Variants in A2M observed in about 807,000 individuals in gnomAD.
A2M encodes the protein C3 and PZP-like alpha-2-macroglobulin domain-containing protein 5.
A neutral mutation model predicts 183.9 loss-of-function variants in A2M; 128 were observed. That is an observed-to-expected ratio of 0.70 (90% CI 0.60 to 0.81). The LOEUF (loss-of-function observed/expected upper bound fraction) is 0.81. Among genes scored for constraint, A2M ranks in the 30% least tolerant of loss-of-function variants. The probability of loss-of-function intolerance (pLI) is 0.00; values close to 1 mark genes in which losing one functional copy is unlikely to be tolerated. For missense variants in A2M, 1,495 were observed against 1,787.6 expected (o/e 0.84, Z 2.95); for synonymous variants, 592 against 670.8 (o/e 0.88, Z 1.81).
chr12:9,078,365 T>A (rs1948809809), intron 25 of A2M, among the ~76,000 whole-genome samples: 1 of 152,228 alleles, frequency 6.6e-6, no homozygotes, highest in Admixed American at 6.5e-5. Context: ...GCAAAGGACA[T>A]GATTTCATTT....
At chr12:9,097,065 A>G (rs938557532) in intron 15 of A2M, among the ~76,000 whole-genome samples, 1 of 152,212 alleles carries the variant, frequency 6.6e-6, no homozygotes, top group Non-Finnish European at 1.5e-5. Flanking sequence ...TTATTAATAA[A>G]TAGGACTGTC....
chr12:9,070,434 G>C, intron 32 of A2M, 54 bp downstream of exon 32: 1 of 1,163,590 alleles, frequency 8.6e-7, no homozygotes. Flanking sequence ...CTTATGCTGG[G>C]GATACATACA....
intron 1 of A2M, 74 bp from the exon 2 acceptor site, chr12:9,113,617 C>T: frequency 7.1e-7 from 1 of 1,407,288 alleles, no homozygotes; most frequent in South Asian, 1.2e-5. Context: ...TTTTTTCCAT[C>T]ATCATAATTA....
chr12:9,099,568 C>CTATT (rs774808166), intron 13 of A2M, 45 bp from the exon 14 acceptor site: 7 of 1,566,648 alleles, frequency 4.5e-6, no homozygotes, highest in Non-Finnish European at 6.1e-6. Flanking sequence ...AGGTTAATGA[C>CTATT]TATTTCCATT....
chr12:9,077,572 T>C, intron 26 of A2M, 129 bp downstream of exon 26: 1 of 1,495,946 alleles, frequency 6.7e-7, no homozygotes, highest in Non-Finnish European at 9.1e-7. Flanking sequence ...TATCCCCTCT[T>C]TTTTGGTGCC....
At chr12:9,103,989 T>C (rs1233736943) in intron 11 of A2M, among the ~76,000 whole-genome samples, 1 of 152,248 alleles carries the variant, frequency 6.6e-6, no homozygotes, top group Non-Finnish European at 1.5e-5. Flanking sequence ...GGAACTACTA[T>C]ACTGTTTTTC....
At chr12:9,093,913 AAAC>A (rs1396302671) in intron 17 of A2M, among the ~76,000 whole-genome samples, 6 of 151,198 alleles carry the variant, frequency 4.0e-5, no homozygotes, top group Non-Finnish European at 7.4e-5. Context: ...ACAAACAAAC[AAAC>A]AACAAAAAAA....
intron 26 of A2M, 113 bp from the exon 27 acceptor site, chr12:9,077,533 G>A (rs1056321629): frequency 8.2e-6 from 12 of 1,464,198 alleles, no homozygotes; most frequent in Non-Finnish European, 1.1e-5. Context: ...CATCCCTATA[G>A]GGCAAAGTAT....
Position 9,112,174 on chromosome 12 carries a change from G to T in A2M, c.468C>A (p.His156Gln). The stretch of plus-strand genomic sequence containing the variant: ...GAAAACTCACCAACTCATTCAGGGG[G>T]TGAAAGTTTTCATCCATGGAGACAA... ...FRVVSMDENF[H>Q]PLNELIPLVY... The change falls in exon 4 of 36, where the codon CAC becomes CAA. Residue 156 changes from histidine to glutamine, a missense_variant. Coordinates refer to ENST00000318602, the MANE Select transcript of A2M (RefSeq NM_000014.6). 1 of 1,613,726 alleles carries T rather than the reference G, an allele frequency of 6.2e-7. No individual in the cohort carries two copies. Among genetic ancestry groups the T allele is most frequent in the Non-Finnish European group, 8.5e-7 (1 of 1,179,718 alleles).
intron 32 of A2M, 62 bp from the exon 33 acceptor site, chr12:9,069,875 G>GA (rs772623663): frequency 6.0e-5 from 90 of 1,493,680 alleles, no homozygotes; most frequent in Non-Finnish European, 7.9e-5. Flanking sequence ...GGGATCCAGA[G>GA]AAAAAATCTT....
At chr12:9,083,528 G>C (rs186397397) in intron 22 of A2M, among the ~76,000 whole-genome samples, 144 of 151,952 alleles carry the variant, frequency 9.5e-4, no homozygotes, top group African/African-American at 2.8e-3. Flanking sequence ...TTCAAAGTAA[G>C]CTCAACAGCA....
rs1017165774 is a variant in A2M, at chr12:9,079,334, G to A, written c.3032-3C>T. The A allele has an allele frequency of 4.3e-6, 7 of 1,613,048 alleles. No homozygotes were observed. The highest frequency in any genetic ancestry group is 5.9e-6 in the Non-Finnish European group (7 of 1,179,328). ...GTAGTTCAACTGTCTCTGGTAACCTGGAAAGGAAGATTAACGAAACAGCAC... is the reference window on the plus strand; with the variant it reads ...GTAGTTCAACTGTCTCTGGTAACCTAGAAAGGAAGATTAACGAAACAGCAC... On this transcript the variant is annotated splice_polypyrimidine_tract_variant and splice_region_variant and intron_variant, in intron 24 of 35. Transcript: ENST00000318602.
At position 9,089,986 on chromosome 12, in the gene A2M, C is replaced by T. The variant is rs770401918; in HGVS notation, c.2634G>A (p.Glu878=). The T allele has an allele frequency of 3.1e-6, 5 of 1,605,958 alleles. No homozygotes were observed. In the Middle Eastern group the frequency reaches 4.9e-4, roughly 159 times the overall value. ...VNFTVSAEAL[E]SQELCGTEVP... is the part of the protein sequence containing the mutation. ...CCTCAGTCCCACACAGCTCTTGAGACTCTAGTGCCTCTGCGCTCACAGTGA... is the reference window on the plus strand; with the variant it reads ...CCTCAGTCCCACACAGCTCTTGAGATTCTAGTGCCTCTGCGCTCACAGTGA... Residue 878 remains glutamate, a synonymous_variant, in exon 21 of 36, where the codon GAG becomes GAA. Transcript: ENST00000318602.
At position 9,101,589 on chromosome 12, in the gene A2M, A is replaced by G; in HGVS notation, c.1352T>C (p.Val451Ala). 1.2e-6 allele frequency: 2 copies of G among 1,614,016 alleles called. No individual in the cohort carries two copies. Among genetic ancestry groups the G allele is most frequent in the African/African-American group, 2.7e-5 (2 of 75,036 alleles). The change falls in exon 12 of 36, where the codon GTG becomes GCG. Residue 451 changes from valine (V) to alanine (A), a missense_variant. Physicochemically the swap from Val to Ala is moderately conservative, Grantham distance 64 (BLOSUM62 0). Coordinates refer to ENST00000318602, the MANE Select transcript of A2M (RefSeq NM_000014.6). The stretch of plus-strand genomic sequence containing the variant: ...GACAAAGCTCTTGCTTGGGGAGAAC[A>G]CAAGATAAGCAGTGTGATGTGCCTC... The part of the protein sequence containing the change: ...HEEAHHTAYL[V>A]FSPSKSFVHL...
chr12:9,074,095 A>G (rs1216577628), intron 29 of A2M, among the ~76,000 whole-genome samples: 2 of 151,668 alleles, frequency 1.3e-5, no homozygotes, highest in African/African-American at 4.8e-5. Flanking sequence ...CTTAAAAAAA[A>G]AAAAAAAAAA....
Position 9,092,085 on chromosome 12 carries a change from G to A in A2M, c.2241-656C>T, listed in dbSNP as rs767769738. Among the ~76,000 whole-genome samples the A allele has an allele frequency of 3.3e-5, 5 of 152,334 alleles. No individual in the cohort carries two copies. The East Asian group carries it at 7.7e-4, about 23-fold the overall frequency. On this transcript the variant is annotated intron_variant, in intron 18 of 35. Transcript: ENST00000318602. ...CCACTTTATCAGTTGCTGACTGAGT[G>A]TTGGGCTTCTAACTAGCCTGCACTG...
chr12:9,101,806 G>T (rs1291914751), intron 11 of A2M, 132 bp from the exon 12 acceptor site: 8 of 734,664 alleles, frequency 1.1e-5, no homozygotes, highest in Non-Finnish European at 1.7e-5. Flanking sequence ...ATGAAAAGTG[G>T]GAGAAGGACC....
chr12:9,112,621 C>G (rs1279821949), intron 2 of A2M, 85 bp from the exon 3 acceptor site: 2 of 1,463,888 alleles, frequency 1.4e-6, no homozygotes, highest in Non-Finnish European at 1.9e-6. Context: ...CCCTGGAGAT[C>G]TTGCCCTTCT....
intron 7 of A2M, among the ~76,000 whole-genome samples, chr12:9,108,023 A>G (rs1156377431): frequency 6.6e-6 from 1 of 152,168 alleles, no homozygotes; most frequent in Non-Finnish European, 1.5e-5. Context: ...TAGGAATACA[A>G]ACTATTAGTA....
Sources: allele counts gnomAD v4.1 joint callset (sites outside exome capture counted in the v4.1 genomes callset), GRCh38; gene constraint gnomAD v4.1.1; transcripts MANE v1.5; gene names NCBI Gene and HGNC (gene_info 2026-07-23, HGNC 2026-07-21).